Variants in KIRREL3 observed in about 807,000 individuals in gnomAD.
KIRREL3 encodes the protein kirre like nephrin family adhesion molecule 3.
Under a neutral mutation model 89.7 loss-of-function variants are expected in KIRREL3, and 36 were observed. The observed-to-expected ratio is 0.40, with a 90% CI of 0.31 to 0.53. The LOEUF is 0.53. KIRREL3 is among the 20% of genes least tolerant of loss of function. The probability of loss-of-function intolerance (pLI) is 0.49; values close to 1 mark genes in which losing one functional copy is unlikely to be tolerated. For missense variants in KIRREL3, 864 were observed against 1,056.6 expected (o/e 0.82, Z 2.53); for synonymous variants, 445 against 441.4 (o/e 1.01, Z -0.10).
At position 126,736,152 on chromosome 11, in the gene KIRREL3, C is replaced by T. The variant is rs1308938485; in HGVS notation, c.56-173240G>A. The stretch of plus-strand genomic sequence containing the variant: ...CCTTGCATTTCTGTGGATTTGGTCA[C>T]AAGAGGGATTGTCTAGAGAGAACAG... On this transcript the variant is annotated intron_variant, in intron 1 of 16. Coordinates refer to ENST00000525144, the MANE Select transcript of KIRREL3 (RefSeq NM_032531.4). This position sits in a 1 kb window ranked among gnomAD's most constrained non-coding sequence, Gnocchi z 5.0. Among the ~76,000 whole-genome samples, 4 of 152,172 alleles carry T rather than the reference C, an allele frequency of 2.6e-5. No homozygotes were observed. The highest frequency in any genetic ancestry group is 5.9e-5 in the Non-Finnish European group (4 of 68,042).
chr11:126,834,784 C>G (rs1943724273), intron 1 of KIRREL3, among the ~76,000 whole-genome samples: 1 of 152,240 alleles, frequency 6.6e-6, no homozygotes, highest in Non-Finnish European at 1.5e-5. Flanking sequence ...GCCCTGCGGC[C>G]CTGGCCTGTG....
intron 1 of KIRREL3, among the ~76,000 whole-genome samples, chr11:126,592,992 G>C (rs1942221472): frequency 6.6e-6 from 1 of 152,174 alleles, no homozygotes; most frequent in South Asian, 2.1e-4. Flanking sequence ...GCAGGCACAT[G>C]GTCCAGCCAC....
At chr11:126,944,622 G>A (rs771974178) in intron 1 of KIRREL3, among the ~76,000 whole-genome samples, 1 of 152,036 alleles carries the variant, frequency 6.6e-6, no homozygotes, top group African/African-American at 2.4e-5. Context: ...TGTGGTCCAC[G>A]CCTTGAGACT....
intron 1 of KIRREL3, among the ~76,000 whole-genome samples, chr11:126,915,447 A>G (rs1394268763): frequency 6.6e-6 from 1 of 152,146 alleles, no homozygotes; most frequent in Non-Finnish European, 1.5e-5. Flanking sequence ...AGATCCATCA[A>G]GCTGATGAAG....
intron 1 of KIRREL3, among the ~76,000 whole-genome samples, chr11:126,998,938 T>C (rs2135303347): frequency 6.6e-6 from 1 of 151,606 alleles, no homozygotes; most frequent in East Asian, 2.0e-4. Context: ...TGTGTGTGTG[T>C]GTGTGTGTGT....
chr11:126,490,342 G>A lies in KIRREL3; in HGVS notation c.434-16876C>T, dbSNP rs1957478478. Among the ~76,000 whole-genome samples, 1 of 152,110 alleles carries A rather than the reference G, an allele frequency of 6.6e-6. No individual in the cohort carries two copies. Among genetic ancestry groups the A allele is most frequent in the Non-Finnish European group, 1.5e-5 (1 of 68,020 alleles). ...CAGCCGCTAGGGAGAGGTGAGCAGAGCTTTCTCCCCATGAAGTATTCTTCA... is the reference window on the plus strand; with the variant it reads ...CAGCCGCTAGGGAGAGGTGAGCAGAACTTTCTCCCCATGAAGTATTCTTCA... On this transcript the variant is annotated intron_variant, in intron 4 of 16. Coordinates refer to ENST00000525144, the MANE Select transcript of KIRREL3 (RefSeq NM_032531.4). The surrounding 1 kb of genome is among the most constrained non-coding windows in gnomAD (Gnocchi z 4.2).
intron 5 of KIRREL3, among the ~76,000 whole-genome samples, chr11:126,465,326 T>C (rs1956686122): frequency 6.6e-6 from 1 of 152,178 alleles, no homozygotes; most frequent in Non-Finnish European, 1.5e-5. Context: ...GAGAAACCTG[T>C]GTTCCAAGTG....
chr11:126,786,222 G>C (rs1040753605), intron 1 of KIRREL3, among the ~76,000 whole-genome samples: 1 of 152,130 alleles, frequency 6.6e-6, no homozygotes, highest in East Asian at 1.9e-4. Context: ...AATGAAAAAA[G>C]GGGAAGATAA....
Position 126,912,801 on chromosome 11 carries a change from G to A in KIRREL3, c.55+87654C>T, listed in dbSNP as rs1198682652. 6.6e-6 allele frequency among the ~76,000 whole-genome samples: 1 copy of A among 152,240 alleles called. No homozygotes were observed. Among genetic ancestry groups the A allele is most frequent in the Non-Finnish European group, 1.5e-5 (1 of 68,048 alleles). ...CATGGCAGGTGAAGTATAGCGAAGAGGAACTTGGCGTGATAATGGAACCTA... is the reference window on the plus strand; with the variant it reads ...CATGGCAGGTGAAGTATAGCGAAGAAGAACTTGGCGTGATAATGGAACCTA... On this transcript the variant is annotated intron_variant, in intron 1 of 16. Coordinates refer to ENST00000525144, the MANE Select transcript of KIRREL3 (RefSeq NM_032531.4). The surrounding 1 kb of genome is among the most constrained non-coding windows in gnomAD (Gnocchi z 4.7).
rs1294779663 is a variant in KIRREL3, at chr11:126,991,672, A to G, written c.55+8783T>C. ...GGAATAAAAAAGAAATTGAACTACA[A>G]TGCTGCCTCCTTGTTCGAAGGTCAG... On this transcript the variant is annotated intron_variant, in intron 1 of 16. Coordinates refer to ENST00000525144, the MANE Select transcript of KIRREL3 (RefSeq NM_032531.4). The surrounding 1 kb of genome is among the most constrained non-coding windows in gnomAD (Gnocchi z 5.8). 6.6e-6 allele frequency among the ~76,000 whole-genome samples: 1 copy of G among 152,154 alleles called. No individual in the cohort carries two copies. Among genetic ancestry groups the G allele is most frequent in the African/African-American group, 2.4e-5 (1 of 41,428 alleles).
intron 1 of KIRREL3, among the ~76,000 whole-genome samples, chr11:126,947,432 C>A (rs563740452): frequency 2.0e-5 from 3 of 152,156 alleles, no homozygotes; most frequent in Non-Finnish European, 2.9e-5. Flanking sequence ...ACGTAGTGAC[C>A]AGGAATTCAA....
chr11:126,564,433 G>T lies in KIRREL3; in HGVS notation c.56-1521C>A, dbSNP rs1283228161. On this transcript the variant is annotated intron_variant, in intron 1 of 16. Coordinates refer to ENST00000525144, the MANE Select transcript of KIRREL3 (RefSeq NM_032531.4). This position sits in a 1 kb window ranked among gnomAD's most constrained non-coding sequence, Gnocchi z 7.4. The stretch of plus-strand genomic sequence containing the variant: ...GAGGTGGCAGAACGCCACGGCCCAG[G>T]GAGGTCCCTGGCTTTGATCTCCTGA... 6.6e-6 allele frequency among the ~76,000 whole-genome samples: 1 copy of T among 152,150 alleles called. No homozygotes were observed. Among genetic ancestry groups the T allele is most frequent in the Admixed American group, 6.5e-5 (1 of 15,286 alleles).
rs961267210 is a variant in KIRREL3, at chr11:126,965,475, C to T, written c.55+34980G>A. 5.3e-5 allele frequency among the ~76,000 whole-genome samples: 8 copies of T among 152,168 alleles called. No individual in the cohort carries two copies. The highest frequency in any genetic ancestry group is 1.4e-4 in the African/African-American group (6 of 41,456). On this transcript the variant is annotated intron_variant, in intron 1 of 16. Transcript: ENST00000525144. The surrounding 1 kb of genome is among the most constrained non-coding windows in gnomAD (Gnocchi z 4.4). ...ACATTCTAATTCTCATACAATACCT[C>T]TTCTCAGTAACAAGATGCTGGTACT...
rs74442992 is a variant in KIRREL3 at position 126,768,170 on chromosome 11, A to C, written c.56-205258T>G. ...CATCCATCCATCCATCCATCCATCCAATCCATCCATCCATCCATCCATCCA... is the reference window on the plus strand; with the variant it reads ...CATCCATCCATCCATCCATCCATCCCATCCATCCATCCATCCATCCATCCA... On this transcript the variant is annotated intron_variant, in intron 1 of 16. Coordinates refer to ENST00000525144, the MANE Select transcript of KIRREL3 (RefSeq NM_032531.4). This position sits in a 1 kb window ranked among gnomAD's most constrained non-coding sequence, Gnocchi z 4.5. Among the ~76,000 whole-genome samples the C allele has an allele frequency of 1.3e-5, 1 of 79,946 alleles. No homozygotes were observed. The highest frequency in any genetic ancestry group is 2.9e-5 in the Non-Finnish European group (1 of 34,586). 52.4% of individuals were successfully genotyped at this position (79,946 alleles called of 152,430 possible). A position where few individuals can be genotyped will look rare whatever the true frequency, so the allele number is the denominator to read the frequency against.
rs1482899482 is a variant in KIRREL3, at chr11:126,550,317, C to T, written c.133+12518G>A. 6.6e-6 allele frequency: 1 copy of T among 152,214 alleles called. No individual in the cohort carries two copies. Among genetic ancestry groups the T allele is most frequent in the Non-Finnish European group, 1.5e-5 (1 of 68,072 alleles). 9.4% of individuals were successfully genotyped at this position (152,214 alleles called of 1,614,324 possible). On this transcript the variant is annotated intron_variant, in intron 2 of 16. Transcript: ENST00000525144. This position sits in a 1 kb window ranked among gnomAD's most constrained non-coding sequence, Gnocchi z 4.9. ...GGGGTCTAAGCCTGCCCTGACTACA[C>T]CCGGGATTTGAATCTAGATTTCTCC...
In KIRREL3 at chr11:126,594,871, C is replaced by T. The variant is rs2134722986; in HGVS notation, c.56-31959G>A. On this transcript the variant is annotated intron_variant, in intron 1 of 16. Transcript: ENST00000525144. The surrounding 1 kb of genome is among the most constrained non-coding windows in gnomAD (Gnocchi z 5.0). ...TTTCTGTTAGCATTTCCGCCACGTG[C>T]TTCTCAGCGTTTTGCCCCAGTTGGC... 6.6e-6 allele frequency among the ~76,000 whole-genome samples: 1 copy of T among 152,370 alleles called. No individual in the cohort carries two copies. The highest frequency in any genetic ancestry group is 1.5e-5 in the Non-Finnish European group (1 of 68,036).
intron 1 of KIRREL3, among the ~76,000 whole-genome samples, chr11:126,617,898 A>C (rs1235913652): frequency 6.6e-6 from 1 of 152,208 alleles, no homozygotes; most frequent in Non-Finnish European, 1.5e-5. Context: ...TGAATCTCAG[A>C]GGTAAAAAGC....
At chr11:126,425,462 G>A (rs892951310) in intron 16 of KIRREL3, among the ~76,000 whole-genome samples, 176 bp downstream of exon 16, 15 of 152,212 alleles carry the variant, frequency 9.9e-5, no homozygotes, top group Non-Finnish European at 2.9e-5. Flanking sequence ...AGCCTCCTCA[G>A]CGTTGGGGTA....
chr11:126,721,135 A>G (rs1295084109), intron 1 of KIRREL3, among the ~76,000 whole-genome samples: 1 of 152,214 alleles, frequency 6.6e-6, no homozygotes, highest in African/African-American at 2.4e-5. Flanking sequence ...GAACTTTGAG[A>G]CTAGATTGAC....
Sources: allele counts gnomAD v4.1 joint callset (sites outside exome capture counted in the v4.1 genomes callset), GRCh38; gene constraint gnomAD v4.1.1; non-coding constraint Gnocchi (gnomAD v3.1); transcripts MANE v1.5; gene names NCBI Gene and HGNC (gene_info 2026-07-23, HGNC 2026-07-21).